The following SLC43A1 variants were observed in gnomAD, a reference collection of about 807,000 sequenced individuals.
SLC43A1 encodes the protein solute carrier family 43 member 1.
SLC43A1 carries 31 observed loss-of-function variants against 59.5 expected under a neutral mutation model. That is an observed-to-expected ratio of 0.52 (90% CI 0.39 to 0.70). The LOEUF is 0.70. Ranked by LOEUF, SLC43A1 falls within the 30% of genes least tolerant of loss-of-function variation. The pLI is 0.00. For missense variants in SLC43A1, 598 were observed against 717.8 expected, an observed-to-expected ratio of 0.83 and a Z score of 1.91; for synonymous variants, 259 against 290.9, an observed-to-expected ratio of 0.89 and a Z score of 1.12.
chr11:57,498,888 C>T (rs1361078854), intron 5 of SLC43A1, among the ~76,000 whole-genome samples: 2 of 152,208 alleles, frequency 1.3e-5, no homozygotes, highest in Non-Finnish European at 2.9e-5. Flanking sequence ...CCTTCGCACA[C>T]ACCCTCCTCT....
At chr11:57,496,848 G>GA (rs1944104656) in intron 6 of SLC43A1, among the ~76,000 whole-genome samples, 1 of 152,188 alleles carries the variant, frequency 6.6e-6, no homozygotes, top group African/African-American at 2.4e-5. Context: ...ATCTGACCAG[G>GA]ATAATTAATG....
chr11:57,485,738 A>G (rs773679239), intron 14 of SLC43A1, among the ~76,000 whole-genome samples: 40 of 152,318 alleles, frequency 2.6e-4, no homozygotes, highest in Middle Eastern at 6.8e-3. Flanking sequence ...CCCACTCTGC[A>G]TTACTCACTG....
intron 8 of SLC43A1, among the ~76,000 whole-genome samples, chr11:57,493,539 C>T (rs999752752): frequency 4.6e-5 from 7 of 152,156 alleles, no homozygotes; most frequent in South Asian, 4.1e-4. Flanking sequence ...ATGGAGCTGG[C>T]GGTCCTGGGA....
At chr11:57,491,109 CT>C (rs1590748696) in intron 11 of SLC43A1, 114 bp downstream of exon 11, 2 of 1,306,146 alleles carry the variant, frequency 1.5e-6, no homozygotes, top group Non-Finnish European at 2.0e-6. Context: ...GGAGGTACCC[CT>C]GATCTCCTAG....
intron 2 of SLC43A1, among the ~76,000 whole-genome samples, chr11:57,511,019 A>T (rs1944527839): frequency 6.6e-6 from 1 of 152,110 alleles, no homozygotes; most frequent in Non-Finnish European, 1.5e-5. Flanking sequence ...AATATGAAAT[A>T]GTGTAGCCAC....
At chr11:57,493,525 TATC>T (rs1943993030) in intron 8 of SLC43A1, among the ~76,000 whole-genome samples, 1 of 152,142 alleles carries the variant, frequency 6.6e-6, no homozygotes, top group South Asian at 2.1e-4. Flanking sequence ...TCCTTCCACT[TATC>T]ATGGAGCTGG....
intron 5 of SLC43A1, 51 bp downstream of exon 5, chr11:57,500,728 C>G: frequency 6.4e-7 from 1 of 1,554,648 alleles, no homozygotes; most frequent in East Asian, 2.3e-5. Context: ...TCACTCTGCC[C>G]TCACCCCACT....
chr11:57,491,310 G>C lies in SLC43A1; in HGVS notation c.1107C>G (p.Thr369=), dbSNP rs146929724. The C allele has an allele frequency of 6.2e-7, 1 of 1,611,270 alleles. No individual in the cohort carries two copies. Among genetic ancestry groups the C allele is most frequent in the Non-Finnish European group, 8.5e-7 (1 of 1,178,612 alleles). ...CCATGATGTAGCCAATGAGGGGGCAGGTGAGAAGGCACAACAGCTGCATGG... is the reference window on the plus strand; with the variant it reads ...CCATGATGTAGCCAATGAGGGGGCACGTGAGAAGGCACAACAGCTGCATGG... ...FGAMQLLCLL[T]CPLIGYIMDW... The change falls in exon 11 of 15, where the codon ACC becomes ACG. Residue 369 remains threonine (T), a synonymous_variant. Transcript: ENST00000278426.
intron 2 of SLC43A1, among the ~76,000 whole-genome samples, chr11:57,501,539 A>C (rs1944268262): frequency 6.6e-6 from 1 of 152,230 alleles, no homozygotes; most frequent in African/African-American, 2.4e-5. Context: ...ACACAGCCTG[A>C]GGCTTCAACT....
At chr11:57,488,865 T>C (rs948581014) in intron 13 of SLC43A1, 51 bp downstream of exon 13, 1 of 1,505,146 alleles carries the variant, frequency 6.6e-7, no homozygotes, top group Admixed American at 1.7e-5. Flanking sequence ...CCTGGGGTTC[T>C]CTGATCACGG....
intron 14 of SLC43A1, among the ~76,000 whole-genome samples, chr11:57,485,899 T>G (rs1049240759): frequency 6.6e-6 from 1 of 152,234 alleles, no homozygotes; most frequent in African/African-American, 2.4e-5. Flanking sequence ...CACAATTCTT[T>G]GGGAGGAGGG....
chr11:57,497,947 AG>A, intron 5 of SLC43A1, 102 bp from the exon 6 acceptor site: 1 of 785,182 alleles, frequency 1.3e-6, no homozygotes, highest in African/African-American at 1.7e-5. Context: ...GCAGCAGAAA[AG>A]CCCCAAGGTA....
Position 57,484,993 on chromosome 11 carries a change from A to G in SLC43A1, c.*103T>C. On this transcript the variant is annotated 3_prime_UTR_variant, in exon 15 of 15. Transcript: ENST00000278426. Reference sequence around the variant, plus strand: ...TCTTGGTATTTATAAATCTACGGCCATGGCTCTATGTGCATGTTACAGGTA... The same window carrying G: ...TCTTGGTATTTATAAATCTACGGCCGTGGCTCTATGTGCATGTTACAGGTA... 1 of 1,280,664 alleles carries G rather than the reference A, an allele frequency of 7.8e-7. No individual in the cohort carries two copies. Among genetic ancestry groups the G allele is most frequent in the Non-Finnish European group, 1.1e-6 (1 of 945,232 alleles). The allele number at this position is 1,280,664 out of a possible 1,614,324, so 79.3% of individuals were successfully genotyped here.
rs1247983561 is a variant in SLC43A1, at chr11:57,496,020, C to T, written c.692+11G>A. ...CCCCAGGGAGAGTCTCTGCCCACTC[C>T]AGCCACTCACGTGTAATTGACTTCC... On this transcript the variant is annotated intron_variant, in intron 7 of 14. Coordinates refer to ENST00000278426, the MANE Select transcript of SLC43A1 (RefSeq NM_003627.6). 2 of 1,613,522 alleles carry T rather than the reference C, an allele frequency of 1.2e-6. No individual in the cohort carries two copies. Among genetic ancestry groups the T allele is most frequent in the Admixed American group, 1.7e-5 (1 of 59,950 alleles).
intron 8 of SLC43A1, among the ~76,000 whole-genome samples, chr11:57,493,260 T>C (rs1367015446): frequency 2.0e-5 from 3 of 152,136 alleles, no homozygotes; most frequent in Admixed American, 2.0e-4. Context: ...CCCTTAGCCA[T>C]GTTGCCCTCT....
chr11:57,497,950 C>T, intron 5 of SLC43A1, 105 bp from the exon 6 acceptor site: 1 of 765,210 alleles, frequency 1.3e-6, no homozygotes. Flanking sequence ...GCAGAAAAGC[C>T]CCAAGGTAAA....
chr11:57,503,791 T>C (rs1475163430), intron 2 of SLC43A1, among the ~76,000 whole-genome samples: 2 of 152,230 alleles, frequency 1.3e-5, no homozygotes. Context: ...ACCCATGTTT[T>C]GCTCTGCTGG....
chr11:57,491,677 C>G, intron 9 of SLC43A1, 39 bp downstream of exon 9: 1 of 1,614,230 alleles, frequency 6.2e-7, no homozygotes, highest in Non-Finnish European at 8.5e-7. Context: ...GGTGACCCGC[C>G]TGTGCCCCCA....
At chr11:57,489,166 G>C (rs959991832) in intron 12 of SLC43A1, 85 bp downstream of exon 12, 9 of 1,526,658 alleles carry the variant, frequency 5.9e-6, no homozygotes, top group Non-Finnish European at 8.1e-6. Flanking sequence ...CCAGAACTGC[G>C]CTTCCTGGAA....
Sources: gnomAD v4.1 joint callset for allele counts (sites outside exome capture counted in the v4.1 genomes callset) on GRCh38, gnomAD v4.1.1 for gene constraint, MANE v1.5 for transcripts, NCBI Gene and HGNC (gene_info 2026-07-23, HGNC 2026-07-21) for gene names.